Variants in BTD observed in about 807,000 individuals in gnomAD.
The protein encoded by BTD is biocytinase.
Under a neutral mutation model 17.7 loss-of-function variants are expected in BTD, and 13 were observed. The observed-to-expected ratio is 0.74, with a 90% CI of 0.48 to 1.17. BTD has a LOEUF of 1.17. BTD is among the 50% of genes most tolerant of loss of function. BTD has a pLI of 0.00. For missense variants in BTD, 674 were observed against 650.4 expected, an observed-to-expected ratio of 1.04 and a Z score of -0.39; for synonymous variants, 240 against 245.2, an observed-to-expected ratio of 0.98 and a Z score of 0.20.
chr3:15,689,773 GAT>G (rs1456417076), intron 3 of BTD: 9 of 361,028 alleles, frequency 2.5e-5, no homozygotes, highest in Non-Finnish European at 4.5e-5. Flanking sequence ...TACTTGGGTT[GAT>G]ATAATACACT....
chr3:15,620,455 A>G (rs2064918494), intron 1 of BTD, among the ~76,000 whole-genome samples: 2 of 152,248 alleles, frequency 1.3e-5, no homozygotes, highest in African/African-American at 4.8e-5. Context: ...TGGCTCTTTT[A>G]GCCCAACCCC....
intron 1 of BTD, among the ~76,000 whole-genome samples, chr3:15,616,341 G>A (rs1471571142): frequency 3.3e-5 from 5 of 152,084 alleles, no homozygotes; most frequent in East Asian, 1.9e-4. Flanking sequence ...TGGGCCGGGC[G>A]CGGTGGCTCA....
At chr3:15,638,125 C>A (rs184418130) in intron 2 of BTD, among the ~76,000 whole-genome samples, 1 of 152,152 alleles carries the variant, frequency 6.6e-6, no homozygotes, top group South Asian at 2.1e-4. Context: ...GTTGTCATCT[C>A]TTCAAAGAAT....
intron 3 of BTD, chr3:15,669,251 C>G (rs1343333319): frequency 6.6e-6 from 1 of 152,082 alleles, no homozygotes; most frequent in Non-Finnish European, 1.5e-5. Context: ...ACTCATAGAT[C>G]AGAATAAACA....
intron 1 of BTD, among the ~76,000 whole-genome samples, chr3:15,610,873 A>G (rs1258697537): frequency 2.6e-5 from 4 of 151,694 alleles, no homozygotes; most frequent in Non-Finnish European, 5.9e-5. Context: ...TGATAAAGCT[A>G]TTTTAAAAAA....
At chr3:15,608,388 G>A (rs73817024) in intron 1 of BTD, among the ~76,000 whole-genome samples, 4,600 of 152,266 alleles carry the variant, frequency 0.03, 233 homozygotes, top group African/African-American at 0.1. Flanking sequence ...TGACGAGGAC[G>A]TTTACTTGTG....
intron 1 of BTD, among the ~76,000 whole-genome samples, chr3:15,610,855 A>G (rs1296017232): frequency 2.0e-5 from 3 of 152,116 alleles, no homozygotes; most frequent in Admixed American, 2.0e-4. Context: ...CTAGGGATGC[A>G]CATTGGGTGA....
At chr3:15,708,578 GTAGTA>G (rs2071785096) in intron 3 of BTD, among the ~76,000 whole-genome samples, 2 of 152,092 alleles carry the variant, frequency 1.3e-5, no homozygotes, top group Admixed American at 6.6e-5. Flanking sequence ...TCTGTTATTT[GTAGTA>G]TAGAATGCCT....
chr3:15,624,106 A>G (rs182825681), intron 1 of BTD, among the ~76,000 whole-genome samples: 40 of 152,320 alleles, frequency 2.6e-4, no homozygotes, highest in African/African-American at 9.1e-4. Flanking sequence ...TCTATAGATA[A>G]GATGTTTTTT....
In BTD at chr3:15,641,927, T is replaced by C. The variant is rs771086075; in HGVS notation, c.269T>C (p.Phe90Ser). ...TTTCAGGATGTACAGATTATAGTGT[T>C]TCCAGAAGATGGCATTCATGGATTC... ...AAQKDVQIIV[F>S]PEDGIHGFNF... is the part of the protein sequence containing the mutation. The change falls in exon 3 of 4, where the codon TTT becomes TCT. Residue 90 changes from phenylalanine to serine, a missense_variant. Coordinates refer to ENST00000643237, the MANE Select transcript of BTD (RefSeq NM_001370658.1). The C allele has an allele frequency of 6.2e-7, 1 of 1,612,998 alleles. No homozygotes were observed. Among genetic ancestry groups the C allele is most frequent in the South Asian group, 1.1e-5 (1 of 90,872 alleles).
In BTD at chr3:15,673,869, A is replaced by T. The variant is rs371011260; in HGVS notation, c.399+31812A>T. On this transcript the variant is annotated intron_variant, in intron 3 of 3. Transcript: ENST00000672141. The stretch of plus-strand genomic sequence containing the variant: ...TATCAGAAAGGTAACAAGGTGGAGG[A>T]CACATCATGTAGGGCCTAGTAAGGT... 2.6e-5 allele frequency among the ~76,000 whole-genome samples: 4 copies of T among 152,090 alleles called. No individual in the cohort carries two copies. The East Asian group carries it at 7.7e-4, about 29-fold the overall frequency.
exon 4 of BTD, chr3:15,711,398 G>T: frequency 1.4e-6 from 1 of 706,720 alleles, no homozygotes; most frequent in Non-Finnish European, 2.4e-6. Flanking sequence ...GTTCTTAAGT[G>T]CTAGAGTGCC....
intron 2 of BTD, among the ~76,000 whole-genome samples, chr3:15,636,882 A>G (rs1318544255): frequency 2.6e-5 from 4 of 151,918 alleles, no homozygotes; most frequent in African/African-American, 7.3e-5. Flanking sequence ...AACCAAGACA[A>G]CTTTTGCAAG....
intron 1 of BTD, chr3:15,602,186 A>T: frequency 7.2e-7 from 1 of 1,396,184 alleles, no homozygotes; most frequent in Non-Finnish European, 9.3e-7. Flanking sequence ...GCAGATGTGT[A>T]CCCCAGCAAG....
intron 3 of BTD, among the ~76,000 whole-genome samples, chr3:15,672,453 T>C (rs919966607): frequency 6.6e-5 from 10 of 152,136 alleles, no homozygotes; most frequent in East Asian, 1.9e-4. Context: ...CAAAAAGTAA[T>C]TTTTCCCCCT....
At chr3:15,714,714 G>A (rs2072796219), downstream of BTD, 2 of 1,226,342 alleles carry the variant, frequency 1.6e-6, no homozygotes, top group African/African-American at 1.6e-5. Context: ...GTAAACCTTA[G>A]TTTTACTTTG....
rs745430611 is a variant in BTD at position 15,614,741 on chromosome 3, C to T, written c.-17+12847C>T. 4.6e-5 allele frequency among the ~76,000 whole-genome samples: 7 copies of T among 152,068 alleles called. No homozygotes were observed. The South Asian group carries it at 6.2e-4, about 14-fold the overall frequency. ...CCACCCAAGTAGCTGGGACTACAGG[C>T]ATGCACCACCACACACAGCTAATTT... On this transcript the variant is annotated intron_variant, in intron 1 of 3. Coordinates refer to ENST00000643237, the MANE Select transcript of BTD (RefSeq NM_001370658.1).
chr3:15,688,892 A>G (rs1237552084), intron 3 of BTD, among the ~76,000 whole-genome samples: 1 of 152,256 alleles, frequency 6.6e-6, no homozygotes, highest in African/African-American at 2.4e-5. Flanking sequence ...TTAATGCAGT[A>G]CACTGGTAAA....
intron 3 of BTD, chr3:15,667,127 CT>C (rs1293539961): frequency 2.0e-5 from 3 of 152,084 alleles, no homozygotes; most frequent in African/African-American, 7.2e-5. Flanking sequence ...TCTAAAACAA[CT>C]TTGCTAAAAA....
Sources: gnomAD v4.1 joint callset for allele counts (sites outside exome capture counted in the v4.1 genomes callset) on GRCh38, gnomAD v4.1.1 for gene constraint, MANE v1.5 for transcripts, NCBI Gene and HGNC (gene_info 2026-07-23, HGNC 2026-07-21) for gene names.